DNAH8: variants seen among roughly 807,000 people sequenced by gnomAD.
DNAH8 encodes the protein axonemal beta dynein heavy chain 8.
A neutral mutation model predicts 562.1 loss-of-function variants in DNAH8; 382 were observed. That is an observed-to-expected ratio of 0.68 (90% confidence interval 0.63 to 0.74). The LOEUF is 0.74. Among genes scored for constraint, DNAH8 ranks in the 30% least tolerant of loss-of-function variants. DNAH8 has a pLI of 0.00. For missense variants in DNAH8, 5,203 were observed against 5,620.4 expected, an observed-to-expected ratio of 0.93 and a Z score of 2.37; for synonymous variants, 1,881 against 1,919.4, an observed-to-expected ratio of 0.98 and a Z score of 0.52.
intron 1 of DNAH8, among the ~76,000 whole-genome samples, chr6:38,721,394 C>A (rs1340811994): frequency 6.6e-6 from 1 of 152,054 alleles, no homozygotes; most frequent in African/African-American, 2.4e-5. Context: ...GTAGTCTTAG[C>A]TACTTGGGAG....
chr6:38,907,860 A>T, intron 63 of DNAH8, 96 bp from the exon 64 acceptor site: 1 of 1,063,976 alleles, frequency 9.4e-7, no homozygotes, highest in Non-Finnish European at 1.3e-6. Context: ...ATGAAACAAG[A>T]TGACATGCAA....
intron 87 of DNAH8, among the ~76,000 whole-genome samples, chr6:38,986,961 A>G (rs1349255258): frequency 6.6e-6 from 1 of 152,264 alleles, no homozygotes; most frequent in African/African-American, 2.4e-5. Context: ...GTCTTATTAC[A>G]TCAGTGCCAA....
At chr6:38,973,247 C>T (rs1053654872) in intron 83 of DNAH8, among the ~76,000 whole-genome samples, 2 of 152,190 alleles carry the variant, frequency 1.3e-5, no homozygotes, top group Non-Finnish European at 2.9e-5. Context: ...TCATGTGTAT[C>T]TTTCTTTGTA....
chr6:38,971,660 C>G lies in DNAH8; in HGVS notation c.12520C>G (p.Gln4174Glu). ...TCGAAAGCTGATTCAGATGTCAATGCAGCAGGTATGTGACAAGAGACTGCT... is the reference window on the plus strand; with the variant it reads ...TCGAAAGCTGATTCAGATGTCAATGGAGCAGGTATGTGACAAGAGACTGCT... ...HARKLIQMSMQQGGWVLLQNC... is the reference protein window; with the variant it reads ...HARKLIQMSMEQGGWVLLQNC... The change falls in exon 83 of 93, where the codon CAG becomes GAG. Residue 4174 changes from glutamine (Q) to glutamate (E), a missense_variant. Gln to Glu is a conservative substitution (Grantham distance 29). This residue lies in a region of DNAH8 where 1,399 missense variants were observed against 1,518.4 expected (regional missense o/e 0.92). Coordinates refer to ENST00000327475, the MANE Select transcript of DNAH8 (RefSeq NM_001206927.2). The G allele has an allele frequency of 6.3e-7, 1 of 1,598,618 alleles. No individual in the cohort carries two copies. The highest frequency in any genetic ancestry group is 1.7e-5 in the Admixed American group (1 of 57,316).
chr6:39,025,095 TG>T (rs1767182811), intron 91 of DNAH8, among the ~76,000 whole-genome samples: 1 of 152,210 alleles, frequency 6.6e-6, no homozygotes, highest in Non-Finnish European at 1.5e-5. Context: ...AAATCACTGC[TG>T]TATCTTCGTT....
chr6:38,777,880 A>G (rs989482957), intron 13 of DNAH8, among the ~76,000 whole-genome samples: 1 of 152,206 alleles, frequency 6.6e-6, no homozygotes, highest in African/African-American at 2.4e-5. Context: ...GAAGTTCTAT[A>G]TATCCCAAAG....
intron 73 of DNAH8, 40 bp from the exon 74 acceptor site, chr6:38,926,015 G>T (rs1341422056): frequency 1.3e-6 from 2 of 1,577,834 alleles, no homozygotes; most frequent in African/African-American, 2.7e-5. Flanking sequence ...GGGCATTCCT[G>T]TTCTCCTTTG....
intron 3 of DNAH8, among the ~76,000 whole-genome samples, chr6:38,728,955 C>T (rs562173807): frequency 5.3e-5 from 8 of 152,238 alleles, no homozygotes; most frequent in Admixed American, 3.9e-4. Flanking sequence ...CCTATAATCC[C>T]GGCATTTTGG....
At chr6:38,741,304 G>A (rs1477097281) in intron 7 of DNAH8, among the ~76,000 whole-genome samples, 1 of 152,162 alleles carries the variant, frequency 6.6e-6, no homozygotes, top group East Asian at 1.9e-4. Flanking sequence ...TCAGTAGGAT[G>A]AGGCGGGAGG....
intron 24 of DNAH8, among the ~76,000 whole-genome samples, chr6:38,808,063 G>A (rs1771456198): frequency 6.6e-6 from 1 of 152,160 alleles, no homozygotes; most frequent in Admixed American, 6.5e-5. Flanking sequence ...AATTTTGCCT[G>A]TATTTGAACT....
At chr6:38,827,466 A>C (rs1021421743) in intron 29 of DNAH8, among the ~76,000 whole-genome samples, 2 of 152,082 alleles carry the variant, frequency 1.3e-5, no homozygotes, top group Admixed American at 1.3e-4. Flanking sequence ...GTTGTCTATA[A>C]ACAATGCACT....
intron 66 of DNAH8, 108 bp downstream of exon 66, chr6:38,911,694 T>C: frequency 1.3e-6 from 1 of 749,128 alleles, no homozygotes; most frequent in South Asian, 1.8e-5. Context: ...ATACTCACTT[T>C]GTTAGTAGTA....
intron 82 of DNAH8, among the ~76,000 whole-genome samples, chr6:38,962,028 G>A (rs541278911): frequency 6.6e-6 from 1 of 151,942 alleles, no homozygotes; most frequent in African/African-American, 2.4e-5. Context: ...ATGCTTTCTT[G>A]TAAAATAAGA....
chr6:39,030,483 T>C lies in DNAH8; in HGVS notation c.*91T>C. ...TGATGTGTGTGTCTTTTCTCCCCAGTAATTCCTTAATTACTCTTTCTACAT... is the reference window on the plus strand; with the variant it reads ...TGATGTGTGTGTCTTTTCTCCCCAGCAATTCCTTAATTACTCTTTCTACAT... On this transcript the variant is annotated 3_prime_UTR_variant, in exon 93 of 93. Coordinates refer to ENST00000327475, the MANE Select transcript of DNAH8 (RefSeq NM_001206927.2). 9.0e-7 allele frequency: 1 copy of C among 1,108,078 alleles called. No individual in the cohort carries two copies. The highest frequency in any genetic ancestry group is 2.3e-5 in the Admixed American group (1 of 42,934). 68.6% of individuals were successfully genotyped at this position (1,108,078 alleles called of 1,614,324 possible). A position where few individuals can be genotyped will look rare whatever the true frequency, so the allele number is the denominator to read the frequency against.
At chr6:38,958,111 C>T (rs1465211003) in intron 82 of DNAH8, among the ~76,000 whole-genome samples, 1 of 151,866 alleles carries the variant, frequency 6.6e-6, no homozygotes, top group East Asian at 1.9e-4. Flanking sequence ...ACGCCATTCT[C>T]CTGCCTCAGC....
At chr6:38,826,412 T>C in intron 29 of DNAH8, 21 bp downstream of exon 29, 1 of 1,506,112 alleles carries the variant, frequency 6.6e-7, no homozygotes, top group Non-Finnish European at 9.0e-7. Context: ...ATTGCATTTT[T>C]TTTTCTTGGA....
chr6:38,825,040 A>G (rs1773191790), intron 28 of DNAH8, among the ~76,000 whole-genome samples: 1 of 152,220 alleles, frequency 6.6e-6, no homozygotes, highest in South Asian at 2.1e-4. Flanking sequence ...AAGCAACTGT[A>G]GTATACAGAC....
intron 68 of DNAH8, among the ~76,000 whole-genome samples, chr6:38,915,782 A>G (rs1781265031): frequency 6.6e-6 from 1 of 152,208 alleles, no homozygotes; most frequent in South Asian, 2.1e-4. Context: ...CTGTGAGGCA[A>G]AAGGGGCACA....
intron 53 of DNAH8, among the ~76,000 whole-genome samples, chr6:38,881,512 A>G (rs1778478946): frequency 6.6e-6 from 1 of 152,068 alleles, no homozygotes; most frequent in Non-Finnish European, 1.5e-5. Flanking sequence ...AGGAACATCC[A>G]GAGATGCTAA....
Sources: gnomAD v4.1 joint callset for allele counts (sites outside exome capture counted in the v4.1 genomes callset) on GRCh38, gnomAD v4.1.1 for gene constraint, gnomAD v4.1.1 regional missense constraint, MANE v1.5 for transcripts, NCBI Gene and HGNC (gene_info 2026-07-23, HGNC 2026-07-21) for gene names.